Variants in ATF2 observed in about 807,000 individuals in gnomAD.
ATF2 encodes the protein activating transcription factor 2.
A neutral mutation model predicts 60.6 loss-of-function variants in ATF2; 24 were observed. The ratio of observed to expected loss-of-function variants is 0.40; its 90% CI spans 0.29 to 0.56. The LOEUF (loss-of-function observed/expected upper bound fraction) is 0.56. Ranked by LOEUF, ATF2 falls within the 20% of genes least tolerant of loss-of-function variation. The probability of loss-of-function intolerance (pLI) is 0.54; values close to 1 mark genes in which losing one functional copy is unlikely to be tolerated. For missense variants in ATF2, 433 were observed against 607.7 expected (o/e 0.71, Z 3.02); for synonymous variants, 206 against 215.4 (o/e 0.96, Z 0.38).
chr2:175,130,544 C>T (rs1370490772), intron 3 of ATF2, among the ~76,000 whole-genome samples: 3 of 152,110 alleles, frequency 2.0e-5, no homozygotes, highest in Non-Finnish European at 4.4e-5. Context: ...TTCCAAGGAT[C>T]CTACTGTACT....
intron 4 of ATF2, among the ~76,000 whole-genome samples, chr2:175,125,495 G>C (rs1011150794): frequency 2.0e-5 from 3 of 152,026 alleles, no homozygotes; most frequent in Non-Finnish European, 4.4e-5. Context: ...TTATGAGTGA[G>C]TATAAAAAAT....
intron 10 of ATF2, among the ~76,000 whole-genome samples, chr2:175,110,380 C>T (rs921001436): frequency 4.8e-5 from 7 of 146,870 alleles, no homozygotes; most frequent in African/African-American, 1.9e-4. Flanking sequence ...TATGTTTTAG[C>T]ATGTAAAAAT....
chr2:175,085,179 CTA>C (rs1299934084), intron 12 of ATF2, among the ~76,000 whole-genome samples: 1 of 152,076 alleles, frequency 6.6e-6, no homozygotes, highest in Admixed American at 6.6e-5. Flanking sequence ...TAACAAAATG[CTA>C]TATGTGACAA....
At chr2:175,158,116 C>T (rs946117916) in intron 1 of ATF2, among the ~76,000 whole-genome samples, 1 of 152,202 alleles carries the variant, frequency 6.6e-6, no homozygotes, top group Middle Eastern at 3.4e-3. Context: ...CTAGAGATCA[C>T]CTTGGGAATA....
chr2:175,072,449 C>T lies in ATF2; in HGVS notation c.*2160G>A, dbSNP rs1014779337. On this transcript the variant is annotated 3_prime_UTR_variant, in exon 14 of 14. Coordinates refer to ENST00000264110, the MANE Select transcript of ATF2 (RefSeq NM_001880.4). The stretch of plus-strand genomic sequence containing the variant: ...AATAATGATTTTTATTTGCTCAGTA[C>T]AGACTGATTTACAATGAAAGTTTTG... 19 of 152,108 alleles carry T rather than the reference C, an allele frequency of 1.2e-4. No individual in the cohort carries two copies. Among genetic ancestry groups the T allele is most frequent in the African/African-American group, 4.1e-4 (17 of 41,450 alleles). The allele number at this position is 152,108 out of a possible 1,614,324, so 9.4% of individuals were successfully genotyped here. A position where few individuals can be genotyped will look rare whatever the true frequency, so the allele number is the denominator to read the frequency against.
rs532062669 is a variant in ATF2 at position 175,089,778 on chromosome 2, T to C, written c.1185+3283A>G. Among the ~76,000 whole-genome samples the C allele has an allele frequency of 4.6e-5, 7 of 152,182 alleles. 1 individual carries two copies. In the South Asian group the frequency reaches 1.5e-3, roughly 32 times the overall value. Reference sequence around the variant, plus strand: ...ATTGACTTGAAGCAATAACAGAAAGTCATCATTGAAGTACCCTTTCTTCCC... The same window carrying C: ...ATTGACTTGAAGCAATAACAGAAAGCCATCATTGAAGTACCCTTTCTTCCC... On this transcript the variant is annotated intron_variant, in intron 12 of 13. Coordinates refer to ENST00000264110, the MANE Select transcript of ATF2 (RefSeq NM_001880.4).
At position 175,104,180 on chromosome 2, in the gene ATF2, G is replaced by A. The variant is rs534302093; in HGVS notation, c.829-6587C>T. ...TCAGAGAATTACAAAAACATCCTATGTTAGCATACAAAGTAAACTTCTCTT... is the reference window on the plus strand; with the variant it reads ...TCAGAGAATTACAAAAACATCCTATATTAGCATACAAAGTAAACTTCTCTT... On this transcript the variant is annotated intron_variant, in intron 10 of 13. Coordinates refer to ENST00000264110, the MANE Select transcript of ATF2 (RefSeq NM_001880.4). Among the ~76,000 whole-genome samples, 23 of 152,020 alleles carry A rather than the reference G, an allele frequency of 1.5e-4. 1 individual carries two copies. The South Asian group carries it at 4.1e-3, about 27-fold the overall frequency.
At chr2:175,094,403 G>GAAAAAAAA (rs61440218) in intron 11 of ATF2, among the ~76,000 whole-genome samples, 830 of 61,182 alleles carry the variant, frequency 0.014, 5 homozygotes, top group Non-Finnish European at 0.019. Context: ...CAAAAAATAC[G>GAAAAAAAA]AAAAAAAAAA....
intron 10 of ATF2, among the ~76,000 whole-genome samples, chr2:175,098,085 T>C (rs1354947731): frequency 6.6e-6 from 1 of 152,256 alleles, no homozygotes; most frequent in Non-Finnish European, 1.5e-5. Context: ...TAAAAATTTG[T>C]CATATGCAAC....
Position 175,072,775 on chromosome 2 carries a change from A to G in ATF2, c.*1834T>C, listed in dbSNP as rs1045180144. The G allele has an allele frequency of 5.9e-5, 9 of 152,160 alleles. No individual in the cohort carries two copies. The highest frequency in any genetic ancestry group is 7.4e-5 in the Non-Finnish European group (5 of 68,012). 9.4% of individuals were successfully genotyped at this position (152,160 alleles called of 1,614,324 possible). A position where few individuals can be genotyped will look rare whatever the true frequency, so the allele number is the denominator to read the frequency against. On this transcript the variant is annotated 3_prime_UTR_variant, in exon 14 of 14. Transcript: ENST00000264110. ...TTACTTTAAAATAATGAAATTAGTT[A>G]AAAATTAAAAATTTAAAAAAAATTA...
At chr2:175,129,515 A>G (rs565179414) in intron 4 of ATF2, among the ~76,000 whole-genome samples, 6 of 152,240 alleles carry the variant, frequency 3.9e-5, no homozygotes, top group African/African-American at 1.4e-4. Context: ...ATGCTTACTT[A>G]CATTTATGGT....
At chr2:175,163,784 G>A (rs1358843788) in intron 1 of ATF2, among the ~76,000 whole-genome samples, 1 of 151,222 alleles carries the variant, frequency 6.6e-6, no homozygotes, top group Non-Finnish European at 1.5e-5. Context: ...TTAGCCAGGT[G>A]TGGTGGCGGG....
intron 1 of ATF2, chr2:175,167,683 C>T (rs1700458961): frequency 2.0e-6 from 1 of 504,686 alleles, no homozygotes; most frequent in African/African-American, 2.0e-5. Flanking sequence ...CGACGCGCGC[C>T]CCGAGGACCT....
chr2:175,117,898 T>G (rs1464743013), intron 7 of ATF2, 92 bp downstream of exon 7: 1 of 1,361,450 alleles, frequency 7.3e-7, no homozygotes, highest in Non-Finnish European at 9.7e-7. Context: ...TGACACTGAA[T>G]TTAATACATT....
intron 11 of ATF2, among the ~76,000 whole-genome samples, chr2:175,096,793 TA>T (rs1330595805): frequency 6.6e-6 from 1 of 152,220 alleles, no homozygotes; most frequent in Non-Finnish European, 1.5e-5. Flanking sequence ...AAGATTTAGT[TA>T]CATACATTTC....
intron 10 of ATF2, among the ~76,000 whole-genome samples, chr2:175,097,957 G>C (rs1393365972): frequency 6.6e-6 from 1 of 152,056 alleles, no homozygotes; most frequent in Non-Finnish European, 1.5e-5. Flanking sequence ...GTTAATTATT[G>C]GATTGTACTG....
intron 2 of ATF2, among the ~76,000 whole-genome samples, chr2:175,140,450 G>C (rs912300323): frequency 1.3e-5 from 2 of 152,150 alleles, no homozygotes; most frequent in Admixed American, 1.3e-4. Flanking sequence ...CACAGCGACA[G>C]AAAGCAGATC....
chr2:175,146,711 TC>T (rs1221452060), intron 2 of ATF2, among the ~76,000 whole-genome samples: 1 of 152,196 alleles, frequency 6.6e-6, no homozygotes, highest in African/African-American at 2.4e-5. Context: ...TGAAATCGCA[TC>T]TTCTTGCTCC....
chr2:175,074,654 C>T lies in ATF2; in HGVS notation c.1473G>A (p.Gln491=), dbSNP rs1298792821. Residue 491 remains glutamine (Q), a synonymous_variant, in exon 14 of 14, where the codon CAG becomes CAA. Transcript: ENST00000264110. ...ACTGGGAGGAAGGAGCCATAACGAT[C>T]TGTGAAAGAGCAGGCTCTGTACTCT... ...ADQSTEPALS[Q]IVMAPSSQSQ... is the part of the protein sequence containing the mutation. The T allele has an allele frequency of 1.2e-6, 2 of 1,613,162 alleles. No homozygotes were observed. Among genetic ancestry groups the T allele is most frequent in the African/African-American group, 2.7e-5 (2 of 74,868 alleles).
Sources: allele counts gnomAD v4.1 joint callset (sites outside exome capture counted in the v4.1 genomes callset), GRCh38; gene constraint gnomAD v4.1.1; transcripts MANE v1.5; gene names NCBI Gene and HGNC (gene_info 2026-07-23, HGNC 2026-07-21).